Variants in HERPUD2 observed in about 807,000 individuals in gnomAD.
HERPUD2 encodes the protein homocysteine-responsive endoplasmic reticulum-resident ubiquitin-like domain member 2 protein.
Under a neutral mutation model 49.9 loss-of-function variants are expected in HERPUD2, and 13 were observed. The observed-to-expected ratio is 0.26, with a 90% CI of 0.17 to 0.41. The LOEUF (loss-of-function observed/expected upper bound fraction) is 0.41, where lower values mean the gene tolerates loss of function less well. HERPUD2 is among the 10% of genes least tolerant of loss of function. The pLI is 1.00. For synonymous variants in HERPUD2, 172 were observed against 171.4 expected, an observed-to-expected ratio of 1.00 and a Z score of -0.03; for missense variants, 449 against 492.2, an observed-to-expected ratio of 0.91 and a Z score of 0.83.
Position 35,668,580 on chromosome 7 carries a change from T to C in HERPUD2, c.340-992A>G, listed in dbSNP as rs868414118. The C allele has an allele frequency of 3.9e-5, 6 of 154,938 alleles. No homozygotes were observed. In the Middle Eastern group the frequency reaches 3.1e-3, roughly 81 times the overall value. The allele number at this position is 154,938 out of a possible 1,614,324, so 9.6% of individuals were successfully genotyped here. ...CCTATTGACAGGATGTCTTTTTGCA[T>C]GACTCCCATGCTAAGTCCTGCAATG... is the stretch of plus-strand genomic sequence containing the variant. On this transcript the variant is annotated intron_variant, in intron 4 of 8. Coordinates refer to ENST00000311350, the MANE Select transcript of HERPUD2 (RefSeq NM_022373.5).
chr7:35,646,911 G>GA (rs958098698), intron 5 of HERPUD2, among the ~76,000 whole-genome samples: 4 of 150,948 alleles, frequency 2.6e-5, no homozygotes, highest in Non-Finnish European at 4.4e-5. Flanking sequence ...GATAATAACA[G>GA]AAAAAAGGGA....
At chr7:35,633,910 T>C (rs1784829378) in intron 8 of HERPUD2, 59 bp from the exon 9 acceptor site, 2 of 1,498,480 alleles carry the variant, frequency 1.3e-6, no homozygotes, top group African/African-American at 1.4e-5. Context: ...TAGCTCATAA[T>C]AGAATACAGT....
intron 4 of HERPUD2, among the ~76,000 whole-genome samples, chr7:35,669,998 T>C (rs780277488): frequency 6.6e-6 from 1 of 151,946 alleles, no homozygotes; most frequent in African/African-American, 2.4e-5. Context: ...TACAGCAAAT[T>C]ATAACTCAAG....
intron 2 of HERPUD2, among the ~76,000 whole-genome samples, chr7:35,687,205 A>G (rs1337652687): frequency 2.0e-5 from 3 of 152,232 alleles, no homozygotes; most frequent in Non-Finnish European, 2.9e-5. Context: ...CCCTTCTAAT[A>G]TAAGAATTCA....
chr7:35,636,769 G>A (rs1043319294), intron 6 of HERPUD2, among the ~76,000 whole-genome samples: 10 of 152,152 alleles, frequency 6.6e-5, no homozygotes, highest in African/African-American at 1.9e-4. Context: ...ACTTCACAGT[G>A]GGCAAGAGAA....
intron 2 of HERPUD2, among the ~76,000 whole-genome samples, chr7:35,685,864 G>A (rs1407226741): frequency 1.3e-5 from 2 of 151,936 alleles, no homozygotes; most frequent in African/African-American, 4.8e-5. Flanking sequence ...GGAAGGCTGA[G>A]GCTGGAGAAT....
chr7:35,649,079 G>A (rs1396581075), intron 5 of HERPUD2, among the ~76,000 whole-genome samples: 14 of 151,972 alleles, frequency 9.2e-5, no homozygotes, highest in Non-Finnish European at 1.8e-4. Context: ...GTGAAACCCC[G>A]TCTCTACTAA....
rs369611331 is a variant in HERPUD2, at chr7:35,634,788, G to A, written c.941+347C>T. 3.2e-4 allele frequency among the ~76,000 whole-genome samples: 49 copies of A among 152,214 alleles called. No homozygotes were observed. In the South Asian group the frequency reaches 0.01, roughly 32 times the overall value. On this transcript the variant is annotated intron_variant, in intron 7 of 8. Coordinates refer to ENST00000311350, the MANE Select transcript of HERPUD2 (RefSeq NM_022373.5). Reference sequence around the variant, plus strand: ...ATAGTCTACTTATGAAAAAAATCTGGCTTATACCTATAGAACTTACTATTG... The same window carrying A: ...ATAGTCTACTTATGAAAAAAATCTGACTTATACCTATAGAACTTACTATTG...
chr7:35,673,321 T>A (rs548745246), intron 2 of HERPUD2, 43 bp from the exon 3 acceptor site: 2 of 1,482,458 alleles, frequency 1.3e-6, no homozygotes, highest in Admixed American at 1.8e-5. Flanking sequence ...TTTCTAATTA[T>A]GCAAATTGAA....
intron 5 of HERPUD2, among the ~76,000 whole-genome samples, chr7:35,654,331 C>T (rs1305702537): frequency 6.6e-6 from 1 of 151,246 alleles, no homozygotes; most frequent in East Asian, 1.9e-4. Flanking sequence ...AAAAAAGACC[C>T]ATATAAATAA....
intron 5 of HERPUD2, among the ~76,000 whole-genome samples, chr7:35,654,673 C>CTT (rs539830449): frequency 2.3e-5 from 3 of 129,896 alleles, no homozygotes; most frequent in Admixed American, 7.9e-5. Context: ...TTGACCAAAA[C>CTT]TTTTTTTTTT....
At chr7:35,650,521 C>T (rs552145486) in intron 5 of HERPUD2, among the ~76,000 whole-genome samples, 7 of 152,164 alleles carry the variant, frequency 4.6e-5, no homozygotes, top group Non-Finnish European at 7.4e-5. Context: ...CAGAGTCCAA[C>T]CCCCAGCGGG....
In HERPUD2 at chr7:35,667,770, C is replaced by A. The variant is rs1222227496; in HGVS notation, c.340-182G>T. ...TTAATTTTAGTACGTCAAAACTTAT[C>A]AAAACTGCTTAATTAAACTAAAATA... is the stretch of plus-strand genomic sequence containing the variant. On this transcript the variant is annotated intron_variant, in intron 4 of 8. Transcript: ENST00000311350. Among the ~76,000 whole-genome samples, 5 of 152,220 alleles carry A rather than the reference C, an allele frequency of 3.3e-5. No homozygotes were observed. The East Asian group carries it at 9.7e-4, about 29-fold the overall frequency.
intron 5 of HERPUD2, among the ~76,000 whole-genome samples, chr7:35,656,933 A>C (rs1286930000): frequency 6.6e-6 from 1 of 151,442 alleles, no homozygotes; most frequent in Non-Finnish European, 1.5e-5. Context: ...CAGGGGAAAC[A>C]CTTCAGGATA....
intron 4 of HERPUD2, 22 bp from the exon 5 acceptor site, chr7:35,667,610 T>G: frequency 6.4e-7 from 1 of 1,571,942 alleles, no homozygotes; most frequent in Non-Finnish European, 8.7e-7. Context: ...AATGTAATTT[T>G]TAAAAGGAGA....
intron 2 of HERPUD2, among the ~76,000 whole-genome samples, chr7:35,693,605 T>C (rs1786242041): frequency 6.6e-6 from 1 of 152,118 alleles, no homozygotes; most frequent in African/African-American, 2.4e-5. Flanking sequence ...ATTAGGTTGA[T>C]GACTTTAAGT....
intron 2 of HERPUD2, among the ~76,000 whole-genome samples, chr7:35,682,401 C>A (rs1342891649): frequency 7.6e-6 from 1 of 131,660 alleles, no homozygotes; most frequent in Non-Finnish European, 1.6e-5. Flanking sequence ...AATCGGCATA[C>A]AAGGGACATA....
chr7:35,654,997 G>A (rs996330797), intron 5 of HERPUD2, among the ~76,000 whole-genome samples: 1 of 152,146 alleles, frequency 6.6e-6, no homozygotes, highest in Non-Finnish European at 1.5e-5. Context: ...TGGGATTATA[G>A]GCATGCACCA....
At chr7:35,677,459 T>C (rs1562684092) in intron 2 of HERPUD2, among the ~76,000 whole-genome samples, 1 of 152,190 alleles carries the variant, frequency 6.6e-6, no homozygotes, top group African/African-American at 2.4e-5. Context: ...CATAGCATCC[T>C]GCAATAAGGA....
Sources: gnomAD v4.1 joint callset for allele counts (sites outside exome capture counted in the v4.1 genomes callset) on GRCh38, gnomAD v4.1.1 for gene constraint, MANE v1.5 for transcripts, NCBI Gene and HGNC (gene_info 2026-07-23, HGNC 2026-07-21) for gene names.